Variants in ME1 observed in about 807,000 individuals in gnomAD.
ME1 encodes NADP-dependent malic enzyme.
Under a neutral mutation model 66.4 loss-of-function variants are expected in ME1, and 74 were observed. The observed-to-expected ratio is 1.11, with a 90% CI of 0.92 to 1.35. The LOEUF (loss-of-function observed/expected upper bound fraction) is 1.35. Ranked by LOEUF, ME1 falls within the 40% of genes most tolerant of loss-of-function variation. The probability of loss-of-function intolerance (pLI) is 0.00; values close to 1 mark genes in which losing one functional copy is unlikely to be tolerated. For synonymous variants in ME1, 251 were observed against 235.6 expected, an observed-to-expected ratio of 1.07 and a Z score of -0.60; for missense variants, 750 against 694.1, an observed-to-expected ratio of 1.08 and a Z score of -0.90.
intron 7 of ME1, among the ~76,000 whole-genome samples, chr6:83,249,880 C>T (rs1308302449): frequency 6.6e-6 from 1 of 152,138 alleles, no homozygotes; most frequent in Non-Finnish European, 1.5e-5. Context: ...ATCTAACAGT[C>T]TTTTTATCTT....
At chr6:83,293,932 G>C (rs1296588761) in intron 6 of ME1, among the ~76,000 whole-genome samples, 1 of 152,156 alleles carries the variant, frequency 6.6e-6, no homozygotes. Context: ...GTGTGCACTT[G>C]AGATTTATAT....
At chr6:83,402,015 C>T (rs180971503) in intron 2 of ME1, among the ~76,000 whole-genome samples, 1 of 152,318 alleles carries the variant, frequency 6.6e-6, no homozygotes, top group East Asian at 1.9e-4. Flanking sequence ...CTTACCTACC[C>T]TCATGGTATT....
At chr6:83,428,714 T>C (rs1015221658) in intron 1 of ME1, among the ~76,000 whole-genome samples, 1 of 152,216 alleles carries the variant, frequency 6.6e-6, no homozygotes, top group African/African-American at 2.4e-5. Flanking sequence ...TCCCATAAGG[T>C]ACCAGATAAC....
chr6:83,424,807 C>T (rs1024347100), intron 1 of ME1, among the ~76,000 whole-genome samples: 12 of 152,110 alleles, frequency 7.9e-5, no homozygotes, highest in African/African-American at 2.7e-4. Flanking sequence ...GATAGAAGTC[C>T]AAAATCAAGG....
chr6:83,327,289 G>A (rs1445808023), intron 5 of ME1, among the ~76,000 whole-genome samples: 3 of 152,214 alleles, frequency 2.0e-5, no homozygotes, highest in Admixed American at 1.3e-4. Context: ...CAATTGTTCA[G>A]GGAATAAGAG....
intron 6 of ME1, among the ~76,000 whole-genome samples, chr6:83,304,469 C>T (rs546073370): frequency 3.9e-5 from 6 of 152,264 alleles, no homozygotes; most frequent in South Asian, 4.1e-4. Context: ...ATCTAAATTT[C>T]GACACATCTC....
chr6:83,258,990 C>A (rs764444278), intron 6 of ME1, among the ~76,000 whole-genome samples: 2 of 152,094 alleles, frequency 1.3e-5, no homozygotes, highest in African/African-American at 2.4e-5. Context: ...ATTCAACATA[C>A]CAGGTCCTTT....
At chr6:83,262,322 C>T (rs1180183) in intron 6 of ME1, among the ~76,000 whole-genome samples, 42,172 of 151,986 alleles carry the variant, frequency 0.28, 6,147 homozygotes, top group Middle Eastern at 0.39. Flanking sequence ...ACTGTATTCT[C>T]CTATTTCTAG....
intron 3 of ME1, among the ~76,000 whole-genome samples, chr6:83,397,825 C>T (rs902887873): frequency 2.0e-5 from 3 of 152,078 alleles, no homozygotes; most frequent in Non-Finnish European, 4.4e-5. Flanking sequence ...CTGTCATTTG[C>T]AACAATACAG....
At chr6:83,225,648 T>C (rs1199860747) in intron 11 of ME1, among the ~76,000 whole-genome samples, 2 of 152,106 alleles carry the variant, frequency 1.3e-5, no homozygotes, top group East Asian at 3.9e-4. Context: ...GACACTGTTA[T>C]GTTTTGCACA....
intron 7 of ME1, among the ~76,000 whole-genome samples, chr6:83,249,797 C>T (rs956286565): frequency 3.3e-5 from 5 of 152,112 alleles, no homozygotes; most frequent in Non-Finnish European, 7.3e-5. Context: ...CTCCTATCTT[C>T]CCAGGCCTCT....
chr6:83,299,047 G>T (rs1767662748), intron 6 of ME1, among the ~76,000 whole-genome samples: 2 of 139,516 alleles, frequency 1.4e-5, no homozygotes, highest in African/African-American at 5.3e-5. Flanking sequence ...CTCCAGCTTT[G>T]TTCTTTTTGC....
intron 1 of ME1, among the ~76,000 whole-genome samples, chr6:83,412,409 C>T (rs1033170295): frequency 6.6e-6 from 1 of 151,982 alleles, no homozygotes; most frequent in Non-Finnish European, 1.5e-5. Context: ...TCTCTAGTGT[C>T]TAGAATAATA....
chr6:83,333,954 G>C (rs1463042488), intron 5 of ME1, among the ~76,000 whole-genome samples: 1 of 152,164 alleles, frequency 6.6e-6, no homozygotes, highest in East Asian at 1.9e-4. Flanking sequence ...CAAGTCAGGG[G>C]GGGAGGAGCC....
rs981684571 is a variant in ME1 at position 83,227,337 on chromosome 6, T to C, written c.1273A>G (p.Lys425Glu). ...CSAEQCYKIT[K>E]GRAIFASGSP... is the part of the protein sequence containing the mutation. Reference sequence around the variant, plus strand: ...TATCTGTTATAGTTTTACTTTACCTTGGTTATTTTGTAGCACTGCTCTGCA... The same window carrying C: ...TATCTGTTATAGTTTTACTTTACCTCGGTTATTTTGTAGCACTGCTCTGCA... Residue 425 changes from lysine to glutamate, a missense_variant and splice_region_variant, in exon 11 of 14, where the codon AAG becomes GAG. By Grantham distance (56) the Lys-to-Glu change is moderately conservative. Coordinates refer to ENST00000369705, the MANE Select transcript of ME1 (RefSeq NM_002395.6). The C allele has an allele frequency of 6.5e-7, 1 of 1,528,414 alleles. No individual in the cohort carries two copies. 94.7% of individuals were successfully genotyped at this position (1,528,414 alleles called of 1,614,324 possible).
At chr6:83,344,105 C>A (rs1319716067) in intron 5 of ME1, among the ~76,000 whole-genome samples, 1 of 148,182 alleles carries the variant, frequency 6.7e-6, no homozygotes, top group Admixed American at 6.7e-5. Flanking sequence ...AGCAAGACCC[C>A]GTCTAAAAAA....
intron 3 of ME1, among the ~76,000 whole-genome samples, chr6:83,383,893 A>C (rs1769454009): frequency 6.6e-6 from 1 of 151,902 alleles, no homozygotes; most frequent in South Asian, 2.1e-4. Context: ...CTATTTTATA[A>C]ATTTTACCAT....
At chr6:83,243,093 C>A (rs974916380) in intron 7 of ME1, among the ~76,000 whole-genome samples, 1 of 150,776 alleles carries the variant, frequency 6.6e-6, no homozygotes, top group Non-Finnish European at 1.5e-5. Flanking sequence ...CCCATCTCTA[C>A]CCCCCAAAAA....
At chr6:83,321,715 T>C (rs1768179294) in intron 5 of ME1, among the ~76,000 whole-genome samples, 1 of 152,210 alleles carries the variant, frequency 6.6e-6, no homozygotes, top group African/African-American at 2.4e-5. Context: ...AGGGCAGCTG[T>C]GCGCACAGCT....
Sources: gnomAD v4.1 joint callset for allele counts (sites outside exome capture counted in the v4.1 genomes callset) on GRCh38, gnomAD v4.1.1 for gene constraint, MANE v1.5 for transcripts, NCBI Gene and HGNC (gene_info 2026-07-23, HGNC 2026-07-21) for gene names.